Variants in CPPED1 observed in about 807,000 individuals in gnomAD.
The protein encoded by CPPED1 is serine/threonine-protein phosphatase CPPED1.
CPPED1 carries 28 observed loss-of-function variants against 28.0 expected under a neutral mutation model. The observed-to-expected ratio is 1.00, with a 90% CI of 0.74 to 1.37. The LOEUF (loss-of-function observed/expected upper bound fraction) is 1.37, where lower values mean the gene tolerates loss of function less well. Ranked by LOEUF, CPPED1 falls within the 40% of genes most tolerant of loss-of-function variation. CPPED1 has a pLI of 0.00. For synonymous variants in CPPED1, 198 were observed against 180.2 expected, an observed-to-expected ratio of 1.10 and a Z score of -0.79; for missense variants, 504 against 416.5, an observed-to-expected ratio of 1.21 and a Z score of -1.83.
chr16:12,727,648 C>T (rs763141621), intron 2 of CPPED1, among the ~76,000 whole-genome samples: 12 of 152,124 alleles, frequency 7.9e-5, no homozygotes, highest in African/African-American at 1.9e-4. Flanking sequence ...CATGCCTGAC[C>T]GAAAGCCATC....
intron 3 of CPPED1, among the ~76,000 whole-genome samples, chr16:12,701,238 A>C (rs1385972626): frequency 1.3e-5 from 2 of 151,908 alleles, no homozygotes; most frequent in African/African-American, 4.8e-5. Flanking sequence ...CAAGAAAAAA[A>C]AAATGTTGAG....
Position 12,660,408 on chromosome 16 carries a change from G to C in CPPED1, c.*4478C>G, listed in dbSNP as rs1044857137. The C allele has an allele frequency of 1.3e-5, 2 of 152,050 alleles. No individual in the cohort carries two copies. Among genetic ancestry groups the C allele is most frequent in the East Asian group, 3.9e-4 (2 of 5,192 alleles). 9.4% of individuals were successfully genotyped at this position (152,050 alleles called of 1,614,324 possible). A position where few individuals can be genotyped will look rare whatever the true frequency, so the allele number is the denominator to read the frequency against. The stretch of plus-strand genomic sequence containing the variant: ...TGCACTGATGTTTAAAAATCCACTG[G>C]AGGAAAAGGAAAATTTAGTCAGCAA... On this transcript the variant is annotated 3_prime_UTR_variant, in exon 4 of 4. Transcript: ENST00000381774.
chr16:12,752,659 G>A (rs1440977344), intron 2 of CPPED1, among the ~76,000 whole-genome samples: 2 of 146,120 alleles, frequency 1.4e-5, no homozygotes, highest in African/African-American at 5.0e-5. Flanking sequence ...TATATTATAT[G>A]ATATATAATA....
intron 2 of CPPED1, among the ~76,000 whole-genome samples, chr16:12,735,993 A>C (rs535090559): frequency 1.3e-5 from 2 of 152,274 alleles, no homozygotes; most frequent in African/African-American, 4.8e-5. Context: ...CAGTGCATAA[A>C]GGGATCAGGT....
At chr16:12,758,367 A>G (rs1041814925) in intron 2 of CPPED1, among the ~76,000 whole-genome samples, 8 of 152,158 alleles carry the variant, frequency 5.3e-5, no homozygotes, top group East Asian at 3.9e-4. Flanking sequence ...CAATCTCCAA[A>G]AAGCCTGTAT....
chr16:12,724,532 C>T (rs1027134457), intron 2 of CPPED1, among the ~76,000 whole-genome samples: 1 of 152,164 alleles, frequency 6.6e-6, no homozygotes, highest in African/African-American at 2.4e-5. Context: ...CAGCTTCCCG[C>T]ACTCATCTCA....
At chr16:12,712,395 T>C (rs1010828392) in intron 2 of CPPED1, among the ~76,000 whole-genome samples, 2 of 152,298 alleles carry the variant, frequency 1.3e-5, no homozygotes, top group Middle Eastern at 3.4e-3. Context: ...ATTGGAAATA[T>C]CCATTTAAAC....
chr16:12,693,987 C>T (rs1206365886), intron 3 of CPPED1, among the ~76,000 whole-genome samples: 2 of 152,168 alleles, frequency 1.3e-5, no homozygotes, highest in African/African-American at 4.8e-5. Context: ...GGGCGGGTCA[C>T]CTGAGGTCAG....
At chr16:12,730,660 C>T (rs1461717495) in intron 2 of CPPED1, among the ~76,000 whole-genome samples, 1 of 152,198 alleles carries the variant, frequency 6.6e-6, no homozygotes, top group African/African-American at 2.4e-5. Context: ...GAATCTCAGA[C>T]ATCACATACA....
chr16:12,699,552 T>C (rs977958554), intron 3 of CPPED1, among the ~76,000 whole-genome samples: 1 of 152,228 alleles, frequency 6.6e-6, no homozygotes, highest in Non-Finnish European at 1.5e-5. Flanking sequence ...TATTAAATCA[T>C]TTATTCATCC....
Position 12,734,378 on chromosome 16 carries a change from AT to A in CPPED1, c.290-29330del, listed in dbSNP as rs113756349. Among the ~76,000 whole-genome samples the A allele has an allele frequency of 8.3e-3, 1,068 of 128,468 alleles. 6 individuals are homozygous for A. The highest frequency in any genetic ancestry group is 0.055 in the Middle Eastern group (10 of 182). 84.3% of individuals were successfully genotyped at this position (128,468 alleles called of 152,430 possible). The stretch of plus-strand genomic sequence containing the variant: ...AGTCACTGCACCTGGCCACACAATA[AT>A]TTTTTTTTTTTGTTTTTGAGACGGA... On this transcript the variant is annotated intron_variant, in intron 2 of 3. Coordinates refer to ENST00000381774, the MANE Select transcript of CPPED1 (RefSeq NM_018340.3).
intron 2 of CPPED1, among the ~76,000 whole-genome samples, chr16:12,744,430 A>C (rs8182206): frequency 0.57 from 85,888 of 151,966 alleles, 24,451 homozygotes; most frequent in Admixed American, 0.62. Flanking sequence ...AGGAACACAC[A>C]CTGGGTTTAC....
rs946137573 is a variant in CPPED1 at position 12,791,782 on chromosome 16, C to T, written c.71-10379G>A. ...ACCATCCTGAAAGCTCCAGGGCAGG[C>T]CCACGTTTGCATTCCCTTTCTGGCA... is the stretch of plus-strand genomic sequence containing the variant. On this transcript the variant is annotated intron_variant, in intron 1 of 3. Coordinates refer to ENST00000381774, the MANE Select transcript of CPPED1 (RefSeq NM_018340.3). Among the ~76,000 whole-genome samples the T allele has an allele frequency of 2.0e-5, 3 of 152,210 alleles. No individual in the cohort carries two copies. In the East Asian group the frequency reaches 5.8e-4, roughly 29 times the overall value.
intron 3 of CPPED1, among the ~76,000 whole-genome samples, chr16:12,675,907 C>T (rs1386415339): frequency 6.6e-6 from 1 of 152,184 alleles, no homozygotes; most frequent in Non-Finnish European, 1.5e-5. Flanking sequence ...ATAATCCCTC[C>T]TGCCGGTAAA....
chr16:12,784,958 T>C (rs546834737), intron 1 of CPPED1, among the ~76,000 whole-genome samples: 1 of 152,240 alleles, frequency 6.6e-6, no homozygotes, highest in African/African-American at 2.4e-5. Flanking sequence ...ATAAACAGAT[T>C]TGACCTAAAA....
chr16:12,735,746 T>C (rs1206537322), intron 2 of CPPED1, among the ~76,000 whole-genome samples: 1 of 152,242 alleles, frequency 6.6e-6, no homozygotes, highest in Non-Finnish European at 1.5e-5. Flanking sequence ...ATATAAATGT[T>C]AGTTATTACA....
At chr16:12,780,845 G>C (rs948341576) in intron 2 of CPPED1, 1 of 213,112 alleles carries the variant, frequency 4.7e-6, no homozygotes, top group African/African-American at 2.3e-5. Flanking sequence ...GAAATGAGGA[G>C]AGAAGATTAT....
chr16:12,733,061 G>A (rs961770917), intron 2 of CPPED1, among the ~76,000 whole-genome samples: 6 of 152,176 alleles, frequency 3.9e-5, no homozygotes, highest in East Asian at 1.9e-4. Context: ...ATTTATTGAC[G>A]GGAAATTGGT....
chr16:12,756,206 T>A (rs1027131794), intron 2 of CPPED1, among the ~76,000 whole-genome samples: 4 of 152,060 alleles, frequency 2.6e-5, no homozygotes, highest in African/African-American at 4.8e-5. Flanking sequence ...TCCACAAGAC[T>A]GGCAATTTGG....
Sources: gnomAD v4.1 joint callset for allele counts (sites outside exome capture counted in the v4.1 genomes callset) on GRCh38, gnomAD v4.1.1 for gene constraint, MANE v1.5 for transcripts, NCBI Gene and HGNC (gene_info 2026-07-23, HGNC 2026-07-21) for gene names.